Variants in ZDHHC2 observed in about 807,000 individuals in gnomAD.
ZDHHC2 encodes zDHHC palmitoyltransferase 2, also known as palmitoyltransferase ZDHHC2.
ZDHHC2 carries 51 observed loss-of-function variants against 55.6 expected under a neutral mutation model. The ratio of observed to expected loss-of-function variants is 0.92; its 90% CI spans 0.73 to 1.16. The LOEUF (loss-of-function observed/expected upper bound fraction) is 1.16. Ranked by LOEUF, ZDHHC2 falls within the 50% of genes most tolerant of loss-of-function variation. The pLI, the probability that ZDHHC2 is intolerant of heterozygous loss-of-function variation, is 0.00. For synonymous variants in ZDHHC2, 199 were observed against 152.9 expected (o/e 1.30, Z -2.22); for missense variants, 491 against 442.4 (o/e 1.11, Z -0.99).
intron 3 of ZDHHC2, among the ~76,000 whole-genome samples, chr8:17,195,227 G>A (rs60787459): frequency 0.16 from 23,900 of 151,932 alleles, 2,269 homozygotes; most frequent in Admixed American, 0.3. Context: ...CGGTTTATAA[G>A]CATTTTTATG....
At chr8:17,193,230 A>G (rs2959628) in intron 3 of ZDHHC2, among the ~76,000 whole-genome samples, 63,421 of 152,076 alleles carry the variant, frequency 0.42, 15,952 homozygotes, top group Non-Finnish European at 0.58. Context: ...TCTAAGCTGC[A>G]TCTGCATTAG....
chr8:17,195,493 G>T lies in ZDHHC2; in HGVS notation c.253-11G>T, dbSNP rs759184637. ...TGAAAATACTGATTAAGATTTAAAT[G>T]TATTCCACAGTTCCATCTCTCTTAT... On this transcript the variant is annotated splice_polypyrimidine_tract_variant and intron_variant, in intron 3 of 12. Coordinates refer to ENST00000262096, the MANE Select transcript of ZDHHC2 (RefSeq NM_016353.5). 5.6e-6 allele frequency: 9 copies of T among 1,608,234 alleles called. No homozygotes were observed. Among genetic ancestry groups the T allele is most frequent in the Non-Finnish European group, 7.6e-6 (9 of 1,176,802 alleles).
intron 3 of ZDHHC2, among the ~76,000 whole-genome samples, chr8:17,192,362 C>T (rs1395648847): frequency 6.6e-6 from 1 of 152,184 alleles, no homozygotes; most frequent in Non-Finnish European, 1.5e-5. Context: ...TTGCATTTCT[C>T]TGATGACCAT....
chr8:17,160,522 G>A (rs143949612), intron 1 of ZDHHC2, among the ~76,000 whole-genome samples: 67 of 152,274 alleles, frequency 4.4e-4, no homozygotes, highest in Non-Finnish European at 8.5e-4. Flanking sequence ...TCCTTCCTCC[G>A]AGTTACCTAG....
At chr8:17,177,070 A>C (rs896195021) in intron 1 of ZDHHC2, among the ~76,000 whole-genome samples, 1 of 152,214 alleles carries the variant, frequency 6.6e-6, no homozygotes. Context: ...AAAGTAGCTA[A>C]AAGGACAAAG....
At chr8:17,195,993 A>G (rs57545776) in intron 4 of ZDHHC2, among the ~76,000 whole-genome samples, 22,786 of 152,188 alleles carry the variant, frequency 0.15, 2,157 homozygotes, top group Admixed American at 0.29. Flanking sequence ...TGTAATGAAT[A>G]TAAAATGAAT....
At position 17,159,763 on chromosome 8, in the gene ZDHHC2, A is replaced by G. The variant is rs141001793; in HGVS notation, c.130+2910A>G. Among the ~76,000 whole-genome samples, 306 of 152,282 alleles carry G rather than the reference A, an allele frequency of 2.0e-3. 2 individuals carry two copies. Among genetic ancestry groups the G allele is most frequent in the African/African-American group, 7.2e-3 (299 of 41,554 alleles). ...CTATTCTGCCAAAGAAAAGATCACA[A>G]AAGACAGTTATACTTCTAATCATTT... On this transcript the variant is annotated intron_variant, in intron 1 of 12. Transcript: ENST00000262096.
At chr8:17,213,065 A>T (rs1322261384) in intron 10 of ZDHHC2, among the ~76,000 whole-genome samples, 1 of 152,032 alleles carries the variant, frequency 6.6e-6, no homozygotes, top group Non-Finnish European at 1.5e-5. Context: ...TGGACCAAGC[A>T]TGTTCCTTAT....
intron 3 of ZDHHC2, among the ~76,000 whole-genome samples, chr8:17,187,692 G>A (rs1805785534): frequency 6.6e-6 from 1 of 151,430 alleles, no homozygotes; most frequent in South Asian, 2.1e-4. Flanking sequence ...CCTGTCCCTA[G>A]TAGTAGGTTT....
intron 1 of ZDHHC2, chr8:17,157,616 A>T (rs537353262): frequency 1.3e-5 from 2 of 152,200 alleles, no homozygotes; most frequent in African/African-American, 4.8e-5. Flanking sequence ...AATTTTTTAA[A>T]AAGTTGATTA....
intron 1 of ZDHHC2, among the ~76,000 whole-genome samples, chr8:17,172,477 G>A (rs1401057861): frequency 6.6e-6 from 1 of 152,168 alleles, no homozygotes; most frequent in Non-Finnish European, 1.5e-5. Context: ...AAAGTTTCAG[G>A]TACGTTAGAT....
chr8:17,170,232 C>T (rs1286661592), intron 1 of ZDHHC2, among the ~76,000 whole-genome samples: 4 of 152,152 alleles, frequency 2.6e-5, no homozygotes, highest in Admixed American at 6.5e-5. Flanking sequence ...TAGTGCTTCT[C>T]AGTGACCCAA....
intron 3 of ZDHHC2, among the ~76,000 whole-genome samples, chr8:17,190,277 A>C (rs1470344649): frequency 2.0e-5 from 3 of 152,132 alleles, no homozygotes; most frequent in East Asian, 3.9e-4. Context: ...AGAAAAGAAA[A>C]GAATATATAC....
In ZDHHC2 at chr8:17,174,967, T is replaced by C. The variant is rs1361428193; in HGVS notation, c.131-9822T>C. 3.3e-5 allele frequency among the ~76,000 whole-genome samples: 5 copies of C among 152,248 alleles called. No individual in the cohort carries two copies. The East Asian group carries it at 9.7e-4, about 29-fold the overall frequency. On this transcript the variant is annotated intron_variant, in intron 1 of 12. Transcript: ENST00000262096. Reference sequence around the variant, plus strand: ...GTCTCAAACTCCTGGGCTCAAGCGATCCAGCTGCCTTAGCTTCCCAAAGTG... The same window carrying C: ...GTCTCAAACTCCTGGGCTCAAGCGACCCAGCTGCCTTAGCTTCCCAAAGTG...
chr8:17,175,624 C>G (rs1042829546), intron 1 of ZDHHC2, among the ~76,000 whole-genome samples: 1 of 152,132 alleles, frequency 6.6e-6, no homozygotes, highest in Non-Finnish European at 1.5e-5. Flanking sequence ...CTTTTACCTT[C>G]TAGTTTAATT....
chr8:17,160,316 G>T (rs1440807275), intron 1 of ZDHHC2, among the ~76,000 whole-genome samples: 1 of 152,116 alleles, frequency 6.6e-6, no homozygotes, highest in Non-Finnish European at 1.5e-5. Flanking sequence ...TTACTTTCCT[G>T]CTCCTTAGGC....
Position 17,220,603 on chromosome 8 carries a change from G to C in ZDHHC2, c.*382G>C, listed in dbSNP as rs1237884956. 3.3e-5 allele frequency: 5 copies of C among 152,156 alleles called. No individual in the cohort carries two copies. Among genetic ancestry groups the C allele is most frequent in the African/African-American group, 1.2e-4 (5 of 41,430 alleles). 9.4% of individuals were successfully genotyped at this position (152,156 alleles called of 1,614,324 possible). A position where few individuals can be genotyped will look rare whatever the true frequency, so the allele number is the denominator to read the frequency against. On this transcript the variant is annotated 3_prime_UTR_variant, in exon 13 of 13. Transcript: ENST00000262096. ...CTGATTTTCCGAATCTGAAAATTGA[G>C]ACTATTAAGATATTAGGATTTCAGA...
At chr8:17,206,281 T>C (rs1040677600) in intron 7 of ZDHHC2, among the ~76,000 whole-genome samples, 3 of 152,170 alleles carry the variant, frequency 2.0e-5, no homozygotes, top group African/African-American at 7.2e-5. Context: ...CAGGCATGAG[T>C]TATAGTACTG....
intron 1 of ZDHHC2, among the ~76,000 whole-genome samples, chr8:17,181,075 T>C (rs541311640): frequency 6.6e-6 from 1 of 152,240 alleles, no homozygotes; most frequent in African/African-American, 2.4e-5. Context: ...TTTTTTCAAC[T>C]ATCAGTTGAG....
Sources: allele counts gnomAD v4.1 joint callset (sites outside exome capture counted in the v4.1 genomes callset), GRCh38; gene constraint gnomAD v4.1.1; transcripts MANE v1.5; gene names NCBI Gene and HGNC (gene_info 2026-07-23, HGNC 2026-07-21).